The following TUSC3 variants were observed in gnomAD, a reference collection of about 807,000 sequenced individuals.
TUSC3 encodes the protein tumor suppressor candidate 3, also known as dolichyl-diphosphooligosaccharide--protein glycosyltransferase subunit TUSC3.
A neutral mutation model predicts 44.8 loss-of-function variants in TUSC3; 45 were observed. The ratio of observed to expected loss-of-function variants is 1.00; its 90% confidence interval spans 0.79 to 1.29. The LOEUF (loss-of-function observed/expected upper bound fraction) is 1.29. Ranked by LOEUF, TUSC3 falls within the 50% of genes most tolerant of loss-of-function variation. The pLI is 0.00. For synonymous variants in TUSC3, 212 were observed against 152.9 expected, an observed-to-expected ratio of 1.39 and a Z score of -2.85; for missense variants, 519 against 437.9, an observed-to-expected ratio of 1.19 and a Z score of -1.65.
chr8:15,610,792 G>T (rs1175368398), intron 1 of TUSC3, among the ~76,000 whole-genome samples: 1 of 152,072 alleles, frequency 6.6e-6, no homozygotes, highest in Non-Finnish European at 1.5e-5. Context: ...GTATAGGGAG[G>T]GCTTGAGGGC....
intron 1 of TUSC3, among the ~76,000 whole-genome samples, chr8:15,595,864 T>G (rs1804046239): frequency 6.6e-6 from 1 of 152,208 alleles, no homozygotes; most frequent in South Asian, 2.1e-4. Context: ...TTCTGCTATC[T>G]TTACTGTAAG....
chr8:15,800,541 C>G, the TUSC3 span, among the ~76,000 whole-genome samples: 1 of 151,324 alleles, frequency 6.6e-6, no homozygotes, highest in Non-Finnish European at 1.5e-5. Flanking sequence ...CCACTGCACT[C>G]CAGCCTGGAT....
rs545480554 is a variant in TUSC3, at chr8:15,735,332, G to A, written c.862+4603G>A. ...ATGTCACAAGTAAGGTTCAAGAACAGGAATCAGAGATGATTCTGAAGTTCA... is the reference window on the plus strand; with the variant it reads ...ATGTCACAAGTAAGGTTCAAGAACAAGAATCAGAGATGATTCTGAAGTTCA... On this transcript the variant is annotated intron_variant, in intron 7 of 10. Coordinates refer to ENST00000503731, the MANE Select transcript of TUSC3 (RefSeq NM_006765.4). Among the ~76,000 whole-genome samples, 3 of 152,284 alleles carry A rather than the reference G, an allele frequency of 2.0e-5. No homozygotes were observed. The South Asian group carries it at 6.2e-4, about 32-fold the overall frequency.
chr8:15,564,908 G>A (rs373742675), intron 1 of TUSC3, among the ~76,000 whole-genome samples: 1 of 152,250 alleles, frequency 6.6e-6, no homozygotes, highest in African/African-American at 2.4e-5. Flanking sequence ...GAGAAGGAGA[G>A]AGGCCACTGT....
At chr8:15,836,170 A>C in the TUSC3 span, among the ~76,000 whole-genome samples, 1 of 151,838 alleles carries the variant, frequency 6.6e-6, no homozygotes, top group African/African-American at 2.4e-5. Context: ...AAAATGGTAT[A>C]ATCACAAAGT....
chr8:15,591,753 G>A (rs1803848527), intron 1 of TUSC3, among the ~76,000 whole-genome samples: 1 of 152,122 alleles, frequency 6.6e-6, no homozygotes, highest in Non-Finnish European at 1.5e-5. Context: ...ATAATGCAGA[G>A]TGAGCCAAGG....
At chr8:15,692,357 ACCC>A (rs57593991) in intron 6 of TUSC3, among the ~76,000 whole-genome samples, 51,102 of 88,062 alleles carry the variant, frequency 0.58, 14,549 homozygotes, top group African/African-American at 0.59. Flanking sequence ...TTGGGAGGAG[ACCC>A]CCCCCCCCCC....
the TUSC3 span, among the ~76,000 whole-genome samples, chr8:15,800,467 G>A: frequency 6.6e-6 from 1 of 152,002 alleles, no homozygotes; most frequent in African/African-American, 2.4e-5. Context: ...CAGCTACTTG[G>A]GGGGCTGAGG....
chr8:15,759,409 C>T (rs1812076601), intron 10 of TUSC3, among the ~76,000 whole-genome samples: 1 of 151,966 alleles, frequency 6.6e-6, no homozygotes, highest in South Asian at 2.1e-4. Flanking sequence ...GGACAGAATA[C>T]ATTTGTTCCA....
intron 6 of TUSC3, among the ~76,000 whole-genome samples, chr8:15,692,738 G>A (rs1052295680): frequency 6.6e-6 from 1 of 150,508 alleles, no homozygotes; most frequent in African/African-American, 2.5e-5. Context: ...TTTGGATATT[G>A]TCTCTTATTT....
chr8:15,483,856 A>G (rs183206734), intron 2 of TUSC3, among the ~76,000 whole-genome samples: 1,963 of 145,894 alleles, frequency 0.013, 37 homozygotes, highest in African/African-American at 0.047. Flanking sequence ...ACGGGGTTTC[A>G]CTGTGTTAGC....
intron 2 of TUSC3, among the ~76,000 whole-genome samples, chr8:15,490,344 A>G (rs1325692624): frequency 1.3e-5 from 2 of 152,202 alleles, no homozygotes; most frequent in Non-Finnish European, 2.9e-5. Context: ...TAAAGAATTC[A>G]TGACTTCTAT....
At chr8:15,550,612 T>A (rs1392223792) in intron 1 of TUSC3, among the ~76,000 whole-genome samples, 1 of 151,614 alleles carries the variant, frequency 6.6e-6, no homozygotes, top group Non-Finnish European at 1.5e-5. Context: ...TCATACTGTT[T>A]CATTACTATC....
the TUSC3 span, among the ~76,000 whole-genome samples, chr8:15,772,125 A>G: frequency 6.6e-6 from 1 of 152,014 alleles, no homozygotes; most frequent in African/African-American, 2.4e-5. Context: ...TCTTGAATTA[A>G]TATCCCAAGT....
chr8:15,806,201 C>G, the TUSC3 span: 4 of 497,508 alleles, frequency 8.0e-6, no homozygotes, highest in Admixed American at 1.2e-4. Flanking sequence ...TATAAAGATT[C>G]CGTCTTTTAT....
At chr8:15,478,109 A>C (rs945485408) in intron 1 of TUSC3, among the ~76,000 whole-genome samples, 1 of 151,840 alleles carries the variant, frequency 6.6e-6, no homozygotes, top group Non-Finnish European at 1.5e-5. Context: ...GACATGCACC[A>C]CCATGCCCAG....
chr8:15,584,631 A>C (rs529907201), intron 1 of TUSC3, among the ~76,000 whole-genome samples: 30 of 152,002 alleles, frequency 2.0e-4, no homozygotes, highest in Middle Eastern at 3.4e-3. Context: ...GAGTCAATAC[A>C]GTTTTGACAA....
chr8:15,733,341 G>C (rs990707140), intron 7 of TUSC3: 1 of 390,546 alleles, frequency 2.6e-6, no homozygotes, highest in Non-Finnish European at 4.9e-6. Context: ...AAATATTATA[G>C]CTTCTTTTTG....
At chr8:15,519,406 T>G (rs563714719) in intron 2 of TUSC3, among the ~76,000 whole-genome samples, 1 of 152,272 alleles carries the variant, frequency 6.6e-6, no homozygotes, top group South Asian at 2.1e-4. Flanking sequence ...TTACAGTCAC[T>G]TGAAGCTGTA....
Sources: allele counts gnomAD v4.1 joint callset (sites outside exome capture counted in the v4.1 genomes callset), GRCh38; gene constraint gnomAD v4.1.1; transcripts MANE v1.5; gene names NCBI Gene and HGNC (gene_info 2026-07-23, HGNC 2026-07-21).